Variants in RLN2 observed in about 807,000 individuals in gnomAD.
RLN2 encodes prorelaxin H2.
In RLN2, 10 loss-of-function variants were observed where a neutral mutation model predicts 7.3. The ratio of observed to expected loss-of-function variants is 1.36; its 90% CI spans 0.84 to 2.31. RLN2 has a LOEUF of 2.31. RLN2 is among the 30% of genes most tolerant of loss of function. RLN2 has a pLI of 0.00. For missense variants in RLN2, 298 were observed against 217.6 expected (o/e 1.37, Z -2.32); for synonymous variants, 103 against 82.3 (o/e 1.25, Z -1.36).
At chr9:5,322,537 A>G in the RLN2 span, among the ~76,000 whole-genome samples, 1 of 152,130 alleles carries the variant, frequency 6.6e-6, no homozygotes, top group Admixed American at 6.5e-5. Flanking sequence ...TTTTTTTTGT[A>G]GCAAGTGCTT....
intron 1 of RLN2, among the ~76,000 whole-genome samples, chr9:5,301,216 CT>C (rs1378608196): frequency 1.3e-5 from 2 of 152,316 alleles, no homozygotes; most frequent in African/African-American, 4.8e-5. Flanking sequence ...TATGCAAGAT[CT>C]GTGTGTCTCC....
the RLN2 span, among the ~76,000 whole-genome samples, chr9:5,327,469 C>A: frequency 2.0e-5 from 3 of 152,004 alleles, no homozygotes; most frequent in African/African-American, 7.3e-5. Context: ...CCACCTCTAG[C>A]GGCAGGGCAT....
the RLN2 span, among the ~76,000 whole-genome samples, chr9:5,327,141 C>G: frequency 6.6e-6 from 1 of 152,012 alleles, no homozygotes; most frequent in Non-Finnish European, 1.5e-5. Context: ...CCTTTCCTAG[C>G]CAAGGGAAGC....
chr9:5,334,935 G>A, the RLN2 span: 5 of 206,690 alleles, frequency 2.4e-5, no homozygotes, highest in Non-Finnish European at 3.8e-5. Flanking sequence ...TCATGTAACT[G>A]TTGTTAGGTA....
At chr9:5,324,249 A>G in the RLN2 span, among the ~76,000 whole-genome samples, 9 of 151,948 alleles carry the variant, frequency 5.9e-5, no homozygotes, top group Admixed American at 1.3e-4. Context: ...GAAAATATAT[A>G]ATCACAGATA....
chr9:5,336,565 T>C, the RLN2 span, among the ~76,000 whole-genome samples: 1 of 152,074 alleles, frequency 6.6e-6, no homozygotes, highest in East Asian at 1.9e-4. Context: ...AAGATATAAA[T>C]TTTTAAAAAT....
chr9:5,309,842 TG>T, the RLN2 span, among the ~76,000 whole-genome samples: 2 of 151,918 alleles, frequency 1.3e-5, no homozygotes, highest in African/African-American at 4.8e-5. Flanking sequence ...GCAGCTTCCC[TG>T]GGGGTTGTGG....
chr9:5,313,931 T>A, the RLN2 span, among the ~76,000 whole-genome samples: 1 of 151,930 alleles, frequency 6.6e-6, no homozygotes, highest in Non-Finnish European at 1.5e-5. Flanking sequence ...CACCACCCTA[T>A]CCCTACATCA....
At chr9:5,331,133 G>C in the RLN2 span, among the ~76,000 whole-genome samples, 2 of 151,994 alleles carry the variant, frequency 1.3e-5, no homozygotes, top group Non-Finnish European at 2.9e-5. Flanking sequence ...AAATGTCCAG[G>C]ACCAGATGGA....
the RLN2 span, chr9:5,335,284 A>G: frequency 6.3e-7 from 1 of 1,598,578 alleles, no homozygotes; most frequent in Non-Finnish European, 8.5e-7. Flanking sequence ...TTTTGGTACA[A>G]CCAATTAGGC....
At chr9:5,326,644 C>T in the RLN2 span, among the ~76,000 whole-genome samples, 3 of 152,144 alleles carry the variant, frequency 2.0e-5, no homozygotes, top group Middle Eastern at 3.4e-3. Flanking sequence ...CCCAGGTCTC[C>T]ACCTGATTTA....
chr9:5,326,381 C>G, the RLN2 span, among the ~76,000 whole-genome samples: 1 of 152,064 alleles, frequency 6.6e-6, no homozygotes, highest in Non-Finnish European at 1.5e-5. Context: ...TGAAGTGGTA[C>G]TGCCTAAAAG....
chr9:5,323,555 C>A, the RLN2 span, among the ~76,000 whole-genome samples: 2 of 151,748 alleles, frequency 1.3e-5, no homozygotes, highest in African/African-American at 4.8e-5. Flanking sequence ...GTCCTTGCAA[C>A]TGACTGTTCT....
chr9:5,329,824 C>T, the RLN2 span, among the ~76,000 whole-genome samples: 1 of 151,880 alleles, frequency 6.6e-6, no homozygotes, highest in Non-Finnish European at 1.5e-5. Flanking sequence ...GACTTTAACA[C>T]CCCACTGTCA....
upstream of RLN2, among the ~76,000 whole-genome samples, chr9:5,307,283 A>AGATAGAG (rs1816271759): frequency 9.9e-6 from 1 of 100,658 alleles, no homozygotes; most frequent in African/African-American, 4.5e-5. Context: ...ATAGATAGAT[A>AGATAGAG]GATAGATAGA....
chr9:5,299,893 A>G lies in RLN2; in HGVS notation c.*205T>C. The G allele has an allele frequency of 2.5e-6, 1 of 407,254 alleles. No individual in the cohort carries two copies. The allele number at this position is 407,254 out of a possible 1,614,324, so 25.2% of individuals were successfully genotyped here. On this transcript the variant is annotated 3_prime_UTR_variant, in exon 2 of 2. Transcript: ENST00000381627. ...CAGCAAAAAAATGTGTCATTTAATC[A>G]CACAAAGAACATTTTCTTACACATC...
intron 1 of RLN2, among the ~76,000 whole-genome samples, chr9:5,301,725 G>A (rs1287406378): frequency 1.3e-5 from 2 of 152,162 alleles, no homozygotes; most frequent in Non-Finnish European, 2.9e-5. Context: ...CCTTCACCTA[G>A]ACAGCGGTGG....
Position 5,300,336 on chromosome 9 carries a change from G to C in RLN2, c.320C>G (p.Pro107Arg). The C allele has an allele frequency of 6.2e-7, 1 of 1,613,720 alleles. No individual in the cohort carries two copies. Among genetic ancestry groups the C allele is most frequent in the Non-Finnish European group, 8.5e-7 (1 of 1,179,750 alleles). ...ELKLTLSEMQ[P>R]ALPQLQQHVP... The stretch of plus-strand genomic sequence containing the variant: ...ATGTTGTTGTAGCTGTGGTAATGCT[G>C]GCTGCATCTCAGACAGGGTTAACTT... Residue 107 changes from proline (P) to arginine (R), a missense_variant, in exon 2 of 2, where the codon CCA (proline) becomes CGA (arginine). Physicochemically the swap from Pro to Arg is moderately radical, Grantham distance 103 (BLOSUM62 -2). Coordinates refer to ENST00000381627, the MANE Select transcript of RLN2 (RefSeq NM_134441.3).
intron 1 of RLN2, among the ~76,000 whole-genome samples, chr9:5,302,109 C>T (rs1430083386): frequency 6.6e-6 from 1 of 152,028 alleles, no homozygotes; most frequent in African/African-American, 2.4e-5. Context: ...AATGAGTCAG[C>T]CAAAACAGTT....
Sources: gnomAD v4.1 joint callset for allele counts (sites outside exome capture counted in the v4.1 genomes callset) on GRCh38, gnomAD v4.1.1 for gene constraint, MANE v1.5 for transcripts, NCBI Gene and HGNC (gene_info 2026-07-23, HGNC 2026-07-21) for gene names.